Variants in PDE1A observed in about 807,000 individuals in gnomAD.
PDE1A encodes dual specificity calcium/calmodulin-dependent 3',5'-cyclic nucleotide phosphodiesterase 1A.
A neutral mutation model predicts 61.7 loss-of-function variants in PDE1A; 35 were observed. That is an observed-to-expected ratio of 0.57 (90% CI 0.43 to 0.75). The LOEUF (loss-of-function observed/expected upper bound fraction) is 0.75. PDE1A is among the 30% of genes least tolerant of loss of function. The pLI, the probability that PDE1A is intolerant of heterozygous loss-of-function variation, is 0.00. For synonymous variants in PDE1A, 232 were observed against 213.2 expected, an observed-to-expected ratio of 1.09 and a Z score of -0.77; for missense variants, 597 against 630.6, an observed-to-expected ratio of 0.95 and a Z score of 0.57.
At chr2:182,560,893 C>G in the PDE1A span, among the ~76,000 whole-genome samples, 1 of 152,130 alleles carries the variant, frequency 6.6e-6, no homozygotes, top group African/African-American at 2.4e-5. Context: ...CCTTCACCCA[C>G]TTTTTGATGG....
intron 2 of PDE1A, among the ~76,000 whole-genome samples, chr2:182,493,253 A>C (rs1238084934): frequency 6.9e-6 from 1 of 145,274 alleles, no homozygotes; most frequent in Non-Finnish European, 1.5e-5. Flanking sequence ...TTTTGGAGAG[A>C]CAGTGTCTTA....
At chr2:182,197,533 G>A (rs1345872222) in intron 10 of PDE1A, among the ~76,000 whole-genome samples, 1 of 150,320 alleles carries the variant, frequency 6.7e-6, no homozygotes, top group Non-Finnish European at 1.5e-5. Context: ...TATAGTTTTA[G>A]GTTTTGTCTT....
chr2:182,182,106 G>A (rs1425726694), intron 13 of PDE1A, among the ~76,000 whole-genome samples: 1 of 151,924 alleles, frequency 6.6e-6, no homozygotes, highest in African/African-American at 2.4e-5. Context: ...AGTCTCTCTG[G>A]GGTAAAAATA....
At chr2:182,556,944 T>C in the PDE1A span, among the ~76,000 whole-genome samples, 1 of 152,194 alleles carries the variant, frequency 6.6e-6, no homozygotes, top group East Asian at 1.9e-4. Context: ...AGCTGAATGG[T>C]AGAATTGATA....
chr2:182,263,843 C>T (rs1692406444), intron 2 of PDE1A, among the ~76,000 whole-genome samples: 1 of 152,164 alleles, frequency 6.6e-6, no homozygotes, highest in South Asian at 2.1e-4. Context: ...ATTTGGGATG[C>T]CCCTTAGCAA....
chr2:182,429,428 C>T (rs1469659397), upstream of PDE1A, among the ~76,000 whole-genome samples: 2 of 151,932 alleles, frequency 1.3e-5, no homozygotes, highest in African/African-American at 4.8e-5. Context: ...GTCTTCTATA[C>T]AATAGACTAT....
At chr2:182,669,684 G>A in the PDE1A span, among the ~76,000 whole-genome samples, 1 of 151,886 alleles carries the variant, frequency 6.6e-6, no homozygotes, top group African/African-American at 2.4e-5. Context: ...CATTCTATTC[G>A]CACAGCTCTT....
intron 1 of PDE1A, among the ~76,000 whole-genome samples, chr2:182,416,582 A>T (rs1388547481): frequency 6.6e-6 from 1 of 152,202 alleles, no homozygotes; most frequent in Non-Finnish European, 1.5e-5. Context: ...GAAAAATGTT[A>T]ACTATGGAGA....
At chr2:182,653,829 A>T in the PDE1A span, among the ~76,000 whole-genome samples, 1 of 151,942 alleles carries the variant, frequency 6.6e-6, no homozygotes, top group Non-Finnish European at 1.5e-5. Flanking sequence ...CTACTCTGAA[A>T]CTCTGAAACT....
At chr2:182,234,312 A>AT (rs1689829148) in intron 4 of PDE1A, 120 bp downstream of exon 4, 6 of 662,320 alleles carry the variant, frequency 9.1e-6, no homozygotes, top group Non-Finnish European at 1.6e-5. Context: ...GATATGTTGA[A>AT]TTTTTTAACG....
intron 2 of PDE1A, among the ~76,000 whole-genome samples, chr2:182,511,814 G>A (rs904030157): frequency 6.6e-6 from 1 of 152,148 alleles, no homozygotes; most frequent in African/African-American, 2.4e-5. Flanking sequence ...GTGCTTCCCA[G>A]TGGACACTAC....
At chr2:182,325,665 C>A (rs1179333745) in intron 1 of PDE1A, among the ~76,000 whole-genome samples, 1 of 152,170 alleles carries the variant, frequency 6.6e-6, no homozygotes, top group Non-Finnish European at 1.5e-5. Flanking sequence ...CGTCTGTAAT[C>A]CCAGTAGTTT....
At chr2:182,233,775 CCACACACACA>C (rs4018725) in intron 4 of PDE1A, among the ~76,000 whole-genome samples, 8,408 of 147,098 alleles carry the variant, frequency 0.057, 737 homozygotes, top group African/African-American at 0.2. Context: ...CACATGAACA[CCACACACACA>C]CACACACACA....
the PDE1A span, among the ~76,000 whole-genome samples, chr2:182,635,973 T>G: frequency 1.1e-5 from 1 of 90,598 alleles, no homozygotes; most frequent in Admixed American, 1.4e-4. Flanking sequence ...TTTTTTTTTT[T>G]GAGACAGAGT....
chr2:182,432,024 G>C (rs1409091664), upstream of PDE1A, among the ~76,000 whole-genome samples: 4 of 152,178 alleles, frequency 2.6e-5, no homozygotes, highest in East Asian at 7.7e-4. Context: ...CTCCTGCTAA[G>C]ATATGAATGA....
intron 2 of PDE1A, among the ~76,000 whole-genome samples, chr2:182,492,058 G>T (rs1403739904): frequency 6.6e-6 from 1 of 152,198 alleles, no homozygotes; most frequent in East Asian, 1.9e-4. Flanking sequence ...TTAGAGGCTA[G>T]TCTGATCATT....
At chr2:182,325,247 T>C (rs2124882986) in intron 1 of PDE1A, among the ~76,000 whole-genome samples, 1 of 152,318 alleles carries the variant, frequency 6.6e-6, no homozygotes, top group Non-Finnish European at 1.5e-5. Context: ...ATAGATACTT[T>C]GTCAACCTAT....
At chr2:182,669,126 A>T in the PDE1A span, among the ~76,000 whole-genome samples, 10 of 152,196 alleles carry the variant, frequency 6.6e-5, no homozygotes, top group Non-Finnish European at 1.3e-4. Flanking sequence ...TCCCCCAAAG[A>T]AGCTATTCTA....
chr2:182,149,916 A>G (rs1020274536), intron 13 of PDE1A, among the ~76,000 whole-genome samples: 1 of 152,176 alleles, frequency 6.6e-6, no homozygotes, highest in Non-Finnish European at 1.5e-5. Flanking sequence ...AATAAAACAT[A>G]TATGATTACT....
Sources: gnomAD v4.1 joint callset for allele counts (sites outside exome capture counted in the v4.1 genomes callset) on GRCh38, gnomAD v4.1.1 for gene constraint, MANE v1.5 for transcripts, NCBI Gene and HGNC (gene_info 2026-07-23, HGNC 2026-07-21) for gene names.